Variants in SVIL observed in about 807,000 individuals in gnomAD.
SVIL encodes supervillin, also known as archvillin.
A neutral mutation model predicts 240.4 loss-of-function variants in SVIL; 101 were observed. The observed-to-expected ratio is 0.42, with a 90% CI of 0.36 to 0.50. The LOEUF (loss-of-function observed/expected upper bound fraction) is 0.50, where lower values mean the gene tolerates loss of function less well. Ranked by LOEUF, SVIL falls within the 20% of genes least tolerant of loss-of-function variation. The pLI, the probability that SVIL is intolerant of heterozygous loss-of-function variation, is 0.01. For missense variants in SVIL, 2,512 were observed against 2,818.7 expected (o/e 0.89, Z 2.46); for synonymous variants, 999 against 1,100.0 (o/e 0.91, Z 1.82).
intron 1 of SVIL, among the ~76,000 whole-genome samples, chr10:29,592,417 T>C (rs1019573781): frequency 2.0e-5 from 3 of 152,226 alleles, no homozygotes; most frequent in African/African-American, 7.2e-5. Flanking sequence ...AGAAGAAGCT[T>C]CTAGAAGCAC....
intron 1 of SVIL, among the ~76,000 whole-genome samples, chr10:29,691,903 G>A (rs139762423): frequency 1.3e-5 from 2 of 152,218 alleles, no homozygotes; most frequent in East Asian, 1.9e-4. Flanking sequence ...TGAGCAGCAC[G>A]CTAAGGAAAA....
At chr10:29,552,129 CAA>C (rs200054832) in intron 5 of SVIL, among the ~76,000 whole-genome samples, 26,230 of 88,128 alleles carry the variant, frequency 0.3, 2,644 homozygotes, top group South Asian at 0.41. Flanking sequence ...AAAAACAAAA[CAA>C]AAAAAAAAAC....
chr10:29,522,532 C>T lies in SVIL; in HGVS notation c.3267G>A (p.Ser1089=), dbSNP rs770392252. The change falls in exon 16 of 38, where the codon TCG becomes TCA. Residue 1089 remains serine, a synonymous_variant. Transcript: ENST00000355867. ...TGCAGAGCTTCTCCTGTGGCTGTTC[C>T]GAAGAATCCTGGGGCTTCCAGGACA... The part of the protein sequence containing the change: ...APVSWKPQDS[S]EQPQEKLCKN... The T allele has an allele frequency of 5.0e-6, 8 of 1,614,188 alleles. No homozygotes were observed. In the South Asian group the frequency reaches 5.5e-5, roughly 11 times the overall value.
At chr10:29,630,057 G>A (rs1398601600) in intron 1 of SVIL, among the ~76,000 whole-genome samples, 1 of 128,320 alleles carries the variant, frequency 7.8e-6, no homozygotes, top group East Asian at 1.9e-4. Context: ...ATAATGGATG[G>A]CATGTTATTA....
chr10:29,526,113 T>C (rs964613741), intron 13 of SVIL, among the ~76,000 whole-genome samples: 1 of 152,182 alleles, frequency 6.6e-6, no homozygotes, highest in East Asian at 1.9e-4. Context: ...CATCTACGTT[T>C]AGACACTACA....
chr10:29,499,310 C>T (rs183514759), intron 17 of SVIL, 47 bp from the exon 18 acceptor site: 13 of 1,609,584 alleles, frequency 8.1e-6, no homozygotes, highest in Middle Eastern at 1.7e-4. Flanking sequence ...GAAATGACAG[C>T]GGTGTGGACC....
chr10:29,548,239 C>A (rs918415490), intron 6 of SVIL, among the ~76,000 whole-genome samples: 2 of 152,032 alleles, frequency 1.3e-5, no homozygotes, highest in Non-Finnish European at 2.9e-5. Flanking sequence ...AGGTGTGCAC[C>A]CCTGTGTCCC....
intron 3 of SVIL, among the ~76,000 whole-genome samples, chr10:29,648,436 T>C (rs2133002651): frequency 6.6e-6 from 1 of 152,292 alleles, no homozygotes; most frequent in East Asian, 1.9e-4. Flanking sequence ...TCAGTACTCT[T>C]CCATAAAATG....
At chr10:29,521,907 A>G (rs983500319) in intron 16 of SVIL, among the ~76,000 whole-genome samples, 1 of 152,230 alleles carries the variant, frequency 6.6e-6, no homozygotes, top group Non-Finnish European at 1.5e-5. Flanking sequence ...CATCCATTTT[A>G]CAATCTGTAA....
intron 16 of SVIL, among the ~76,000 whole-genome samples, chr10:29,517,439 G>GA (rs1564556435): frequency 6.6e-6 from 1 of 151,122 alleles, no homozygotes; most frequent in South Asian, 2.2e-4. Context: ...AAAAATAAAA[G>GA]AAAAAAAGAA....
chr10:29,555,335 CACACACACAT>C lies in SVIL; in HGVS notation c.-50-237_-50-228del, dbSNP rs1465073242. ...GCAGACACACACACACACACACACA[CACACACACAT>C]GGACACACCCTAGGACGCATCATCC... On this transcript the variant is annotated intron_variant, in intron 3 of 37. Transcript: ENST00000355867. 7.9e-5 allele frequency among the ~76,000 whole-genome samples: 11 copies of C among 138,494 alleles called. No homozygotes were observed. In the South Asian group the frequency reaches 2.5e-3, roughly 31 times the overall value. The allele number at this position is 138,494 out of a possible 152,430, so 90.9% of individuals were successfully genotyped here.
At chr10:29,722,750 G>T (rs1230553710) in intron 1 of SVIL, among the ~76,000 whole-genome samples, 1 of 152,172 alleles carries the variant, frequency 6.6e-6, no homozygotes, top group African/African-American at 2.4e-5. Flanking sequence ...GGACAGTTTT[G>T]TTCTTAAAAT....
intron 16 of SVIL, among the ~76,000 whole-genome samples, chr10:29,516,876 AG>A (rs1950237746): frequency 6.6e-6 from 1 of 152,228 alleles, no homozygotes; most frequent in Admixed American, 6.5e-5. Flanking sequence ...GGCTCAGAGC[AG>A]TCAGGGCTGG....
Position 29,551,186 on chromosome 10 carries a change from A to C in SVIL, c.238T>G (p.Ser80Ala), listed in dbSNP as rs1953295826. The C allele has an allele frequency of 1.9e-6, 3 of 1,613,890 alleles. No individual in the cohort carries two copies. Among genetic ancestry groups the C allele is most frequent in the Admixed American group, 1.7e-5 (1 of 59,980 alleles). ...TAGGGTGAGTCACCGTGGACACCGG[A>C]GGTTTCTGTGCAGTATTTGGATCGA... ...QTRSKYCTET[S>A]GVHGDSPYGS... The change falls in exon 6 of 38, where the codon TCC becomes GCC. Residue 80 changes from serine (S) to alanine (A), a missense_variant. By Grantham distance (99) the Ser-to-Ala change is moderately conservative (BLOSUM62 1). Transcript: ENST00000355867.
intron 1 of SVIL, among the ~76,000 whole-genome samples, chr10:29,733,156 C>T (rs1269150775): frequency 6.6e-6 from 1 of 152,172 alleles, no homozygotes; most frequent in Admixed American, 6.5e-5. Context: ...CTTTACCTCT[C>T]TGGATGAGGG....
At chr10:29,615,256 A>G (rs1237586465) in intron 1 of SVIL, among the ~76,000 whole-genome samples, 1 of 152,238 alleles carries the variant, frequency 6.6e-6, no homozygotes, top group East Asian at 1.9e-4. Flanking sequence ...AGCTTTAATT[A>G]AAGAATTTTC....
At chr10:29,665,879 C>A (rs1240624882) in intron 2 of SVIL, among the ~76,000 whole-genome samples, 2 of 152,214 alleles carry the variant, frequency 1.3e-5, no homozygotes, top group East Asian at 3.8e-4. Flanking sequence ...ACACTAAGGG[C>A]TCCAGTTCAC....
chr10:29,521,359 G>A (rs1950552593), intron 16 of SVIL, among the ~76,000 whole-genome samples: 1 of 152,158 alleles, frequency 6.6e-6, no homozygotes, highest in Non-Finnish European at 1.5e-5. Context: ...AGACTTCCGT[G>A]TGGTGGGAGG....
chr10:29,530,748 C>A (rs1951302691), intron 10 of SVIL, 80 bp from the exon 11 acceptor site: 1 of 1,513,746 alleles, frequency 6.6e-7, no homozygotes. Flanking sequence ...TCAGGGCTGA[C>A]CTGGAAATCT....
Sources: gnomAD v4.1 joint callset for allele counts (sites outside exome capture counted in the v4.1 genomes callset) on GRCh38, gnomAD v4.1.1 for gene constraint, MANE v1.5 for transcripts, NCBI Gene and HGNC (gene_info 2026-07-23, HGNC 2026-07-21) for gene names.